Variants in KSR2 observed in about 807,000 individuals in gnomAD.
KSR2 encodes kinase suppressor of ras 2.
A neutral mutation model predicts 107.8 loss-of-function variants in KSR2; 25 were observed. The observed-to-expected ratio is 0.23, with a 90% CI of 0.17 to 0.32. The LOEUF is 0.32. KSR2 is among the 10% of genes least tolerant of loss of function. KSR2 has a pLI of 1.00. For missense variants in KSR2, 887 were observed against 1,268.9 expected (o/e 0.70, Z 4.57); for synonymous variants, 480 against 507.0 (o/e 0.95, Z 0.71).
intron 5 of KSR2, among the ~76,000 whole-genome samples, chr12:117,598,726 G>A (rs903025313): frequency 6.6e-5 from 10 of 151,904 alleles, no homozygotes; most frequent in African/African-American, 2.4e-4. Flanking sequence ...GTGATGTTGA[G>A]CATTTTTTCA....
At chr12:117,860,262 G>A (rs1420178227) in intron 2 of KSR2, 29 bp downstream of exon 2, 2 of 1,597,264 alleles carry the variant, frequency 1.3e-6, no homozygotes, top group East Asian at 2.2e-5. Context: ...CCAGTAAGGG[G>A]CAGGGGACAC....
rs58762926 is a variant in KSR2, at chr12:117,694,846, T to TA, written c.987-27189_987-27188insT. 1.0e-4 allele frequency among the ~76,000 whole-genome samples: 7 copies of TA among 69,702 alleles called. 1 individual carries two copies. Among genetic ancestry groups the TA allele is most frequent in the African/African-American group, 1.5e-4 (3 of 19,684 alleles). 45.7% of individuals were successfully genotyped at this position (69,702 alleles called of 152,430 possible). On this transcript the variant is annotated intron_variant, in intron 4 of 19. Coordinates refer to ENST00000339824, the MANE Select transcript of KSR2 (RefSeq NM_173598.6). ...CAAAAGGACAAATGTTGTATGATTCTTTTTTTTTTTTTTTTTTTTTTGAGA... is the reference window on the plus strand; with the variant it reads ...CAAAAGGACAAATGTTGTATGATTCTATTTTTTTTTTTTTTTTTTTTTGAGA...
chr12:117,737,284 C>T (rs773619530), intron 4 of KSR2, among the ~76,000 whole-genome samples: 1 of 152,192 alleles, frequency 6.6e-6, no homozygotes, highest in Admixed American at 6.5e-5. Context: ...TATTTTCACA[C>T]TGAAAATCAG....
chr12:117,651,227 G>A (rs188768125), intron 5 of KSR2, among the ~76,000 whole-genome samples: 4 of 152,284 alleles, frequency 2.6e-5, no homozygotes, highest in African/African-American at 9.6e-5. Context: ...CCCTGCCTGA[G>A]GCAACAGTGA....
At chr12:117,815,295 C>T (rs1422795212) in intron 3 of KSR2, among the ~76,000 whole-genome samples, 2 of 152,100 alleles carry the variant, frequency 1.3e-5, no homozygotes, top group East Asian at 3.9e-4. Context: ...TGGATCATTA[C>T]ACAATTAGGG....
chr12:117,573,190 A>T (rs1879016688), intron 7 of KSR2, among the ~76,000 whole-genome samples: 1 of 152,186 alleles, frequency 6.6e-6, no homozygotes, highest in Admixed American at 6.5e-5. Flanking sequence ...TCGGAGCAGG[A>T]GGGAAGGGGG....
chr12:117,864,691 A>G (rs546404876), intron 1 of KSR2, among the ~76,000 whole-genome samples: 24 of 152,276 alleles, frequency 1.6e-4, no homozygotes, highest in Non-Finnish European at 3.1e-4. Context: ...CCCTCTCCTC[A>G]CTTCTGAGAA....
Position 117,463,061 on chromosome 12 carries a change from GTTGT to G in KSR2, c.*4134_*4137del, listed in dbSNP as rs1286141127. 1 of 152,352 alleles carries G rather than the reference GTTGT, an allele frequency of 6.6e-6. No homozygotes were observed. The highest frequency in any genetic ancestry group is 1.9e-4 in the East Asian group (1 of 5,190). 9.4% of individuals were successfully genotyped at this position (152,352 alleles called of 1,614,324 possible). ...CAAGAATTGTGAGGAATAAATTCGT[GTTGT>G]TTAAGCCACTCAGTGTGTGACATTT... On this transcript the variant is annotated 3_prime_UTR_variant, in exon 20 of 20. Coordinates refer to ENST00000339824, the MANE Select transcript of KSR2 (RefSeq NM_173598.6).
intron 14 of KSR2, among the ~76,000 whole-genome samples, chr12:117,491,655 C>T (rs1454050358): frequency 6.6e-6 from 1 of 152,076 alleles, no homozygotes; most frequent in African/African-American, 2.4e-5. Context: ...GAGTTGATTC[C>T]ATATCTTGGC....
chr12:117,937,000 G>T (rs1895867526), intron 1 of KSR2, among the ~76,000 whole-genome samples: 1 of 152,176 alleles, frequency 6.6e-6, no homozygotes, highest in Admixed American at 6.5e-5. Flanking sequence ...CAGCCTCAAG[G>T]TGGTATCTGG....
intron 4 of KSR2, among the ~76,000 whole-genome samples, chr12:117,743,665 G>T (rs1483921561): frequency 6.6e-6 from 1 of 152,138 alleles, no homozygotes; most frequent in Non-Finnish European, 1.5e-5. Flanking sequence ...TTTTTCCAAG[G>T]AAATTTGGCC....
intron 12 of KSR2, among the ~76,000 whole-genome samples, chr12:117,527,342 CACACAG>C (rs1468678080): frequency 1.5e-5 from 2 of 131,796 alleles, no homozygotes; most frequent in African/African-American, 6.9e-5. Flanking sequence ...CACACACACA[CACACAG>C]ACACACACAC....
At chr12:117,567,965 C>T (rs1362258048) in intron 7 of KSR2, among the ~76,000 whole-genome samples, 1 of 152,192 alleles carries the variant, frequency 6.6e-6, no homozygotes, top group Non-Finnish European at 1.5e-5. Flanking sequence ...TCAAAACACC[C>T]TTTCCCTCAC....
intron 5 of KSR2, among the ~76,000 whole-genome samples, chr12:117,630,359 A>ATG (rs58496440): frequency 0.11 from 16,896 of 150,954 alleles, 2,277 homozygotes; most frequent in African/African-American, 0.32. Context: ...AAGGAAGAAA[A>ATG]TGTGTGTGTG....
intron 3 of KSR2, among the ~76,000 whole-genome samples, chr12:117,769,677 T>A (rs1889366312): frequency 6.6e-6 from 1 of 152,232 alleles, no homozygotes; most frequent in Non-Finnish European, 1.5e-5. Flanking sequence ...TAAAACCATC[T>A]GTTTCACAGA....
intron 1 of KSR2, among the ~76,000 whole-genome samples, chr12:117,877,352 G>A (rs778336862): frequency 3.3e-5 from 5 of 151,938 alleles, no homozygotes; most frequent in African/African-American, 7.3e-5. Context: ...AAAACTTTCC[G>A]ATTATGGGAC....
At chr12:117,967,821 A>C (rs1338690602) in intron 1 of KSR2, among the ~76,000 whole-genome samples, 1 of 152,034 alleles carries the variant, frequency 6.6e-6, no homozygotes, top group Non-Finnish European at 1.5e-5. Context: ...AAAGAATAAC[A>C]ATTACTACTA....
chr12:117,555,009 C>T (rs375443199), intron 9 of KSR2, among the ~76,000 whole-genome samples, 160 bp downstream of exon 9: 64 of 152,242 alleles, frequency 4.2e-4, no homozygotes, highest in Middle Eastern at 3.4e-3. Context: ...GATCTCTGGA[C>T]GTCCCTCAAG....
chr12:117,488,027 C>T (rs1390730198), intron 14 of KSR2, among the ~76,000 whole-genome samples: 1 of 152,096 alleles, frequency 6.6e-6, no homozygotes, highest in Non-Finnish European at 1.5e-5. Context: ...GGGGCAGTTT[C>T]CCCCATACTG....
Sources: allele counts gnomAD v4.1 joint callset (sites outside exome capture counted in the v4.1 genomes callset), GRCh38; gene constraint gnomAD v4.1.1; transcripts MANE v1.5; gene names NCBI Gene and HGNC (gene_info 2026-07-23, HGNC 2026-07-21).